UNC5D: variants seen among roughly 807,000 people sequenced by gnomAD.
UNC5D encodes netrin receptor UNC5D.
In UNC5D, 39 loss-of-function variants were observed where a neutral mutation model predicts 105.4. That is an observed-to-expected ratio of 0.37 (90% CI 0.29 to 0.48). The LOEUF is 0.48. UNC5D is among the 20% of genes least tolerant of loss of function. UNC5D has a pLI of 0.98. For missense variants in UNC5D, 991 were observed against 1,202.4 expected (o/e 0.82, Z 2.60); for synonymous variants, 452 against 450.4 (o/e 1.00, Z -0.04).
At chr8:35,254,387 C>G (rs1585422749) in intron 1 of UNC5D, 1 of 152,114 alleles carries the variant, frequency 6.6e-6, no homozygotes, top group East Asian at 1.9e-4. Context: ...CTCTTTTTTT[C>G]TTGAGCTTAT....
chr8:35,554,069 C>A (rs4739415), intron 2 of UNC5D, among the ~76,000 whole-genome samples: 1 of 151,962 alleles, frequency 6.6e-6, no homozygotes, highest in Admixed American at 6.6e-5. Flanking sequence ...GCATTCTGTC[C>A]TCACAGAACT....
At chr8:35,540,683 C>A (rs1470605553) in intron 1 of UNC5D, among the ~76,000 whole-genome samples, 1 of 152,082 alleles carries the variant, frequency 6.6e-6, no homozygotes, top group Non-Finnish European at 1.5e-5. Context: ...CATTAGGGGA[C>A]AAAGCTGTAT....
At chr8:35,496,869 A>G (rs567135600) in intron 1 of UNC5D, among the ~76,000 whole-genome samples, 2 of 152,170 alleles carry the variant, frequency 1.3e-5, no homozygotes, top group African/African-American at 4.8e-5. Context: ...GGAATCATAC[A>G]TGGTTTTTTT....
At chr8:35,728,809 T>C (rs570060487) in intron 10 of UNC5D, among the ~76,000 whole-genome samples, 1 of 152,328 alleles carries the variant, frequency 6.6e-6, no homozygotes, top group South Asian at 2.1e-4. Flanking sequence ...CTGGTGCTTC[T>C]GTGGTCATAT....
intron 1 of UNC5D, among the ~76,000 whole-genome samples, chr8:35,344,411 G>A (rs1043421391): frequency 6.6e-6 from 1 of 152,000 alleles, no homozygotes; most frequent in Non-Finnish European, 1.5e-5. Flanking sequence ...ATGTTCACCT[G>A]CATTGGCTCA....
At chr8:35,683,831 G>A in intron 5 of UNC5D, 104 bp downstream of exon 5, 1 of 1,189,642 alleles carries the variant, frequency 8.4e-7, no homozygotes, top group South Asian at 2.7e-5. Flanking sequence ...AAAGACCTTG[G>A]GGTTCATTCA....
At chr8:35,716,124 G>A (rs1828236940) in intron 8 of UNC5D, among the ~76,000 whole-genome samples, 2 of 152,108 alleles carry the variant, frequency 1.3e-5, no homozygotes, top group Admixed American at 6.5e-5. Context: ...GAGCAGAGAG[G>A]AGACGCAAGG....
intron 4 of UNC5D, among the ~76,000 whole-genome samples, chr8:35,643,077 T>C (rs938246680): frequency 3.3e-5 from 5 of 152,150 alleles, no homozygotes; most frequent in African/African-American, 1.2e-4. Context: ...CTCTCCCTGA[T>C]TCATGGCTTC....
At chr8:35,508,357 A>G (rs772478488) in intron 1 of UNC5D, among the ~76,000 whole-genome samples, 7 of 152,210 alleles carry the variant, frequency 4.6e-5, no homozygotes, top group Middle Eastern at 3.2e-3. Context: ...AGATTATTTT[A>G]ATGTTTTAAA....
intron 1 of UNC5D, among the ~76,000 whole-genome samples, chr8:35,489,991 A>T (rs1017902071): frequency 6.6e-6 from 1 of 152,230 alleles, no homozygotes; most frequent in African/African-American, 2.4e-5. Context: ...TCCACTAAAA[A>T]GAGAGAGATC....
At chr8:35,274,506 CAT>C (rs1418274055) in intron 1 of UNC5D, among the ~76,000 whole-genome samples, 2 of 152,180 alleles carry the variant, frequency 1.3e-5, no homozygotes, top group African/African-American at 2.4e-5. Flanking sequence ...TGAGTGTGCA[CAT>C]GTGTCCAGCC....
Position 35,790,631 on chromosome 8 carries a change from C to G in UNC5D, c.*68C>G. 1 of 1,556,336 alleles carries G rather than the reference C, an allele frequency of 6.4e-7. No homozygotes were observed. The highest frequency in any genetic ancestry group is 1.1e-5 in the South Asian group (1 of 88,472). ...CATTTGCTTTAAATGGGAAAGAGGCCGCTTTCTGCCCAGTGGCGTTGGGGG... is the reference window on the plus strand; with the variant it reads ...CATTTGCTTTAAATGGGAAAGAGGCGGCTTTCTGCCCAGTGGCGTTGGGGG... On this transcript the variant is annotated 3_prime_UTR_variant, in exon 17 of 17. Coordinates refer to ENST00000404895, the MANE Select transcript of UNC5D (RefSeq NM_080872.4).
At chr8:35,775,508 TCTC>T (rs148542680) in intron 16 of UNC5D, among the ~76,000 whole-genome samples, 4,239 of 152,012 alleles carry the variant, frequency 0.028, 181 homozygotes, top group African/African-American at 0.097. Context: ...AAAAATGACA[TCTC>T]CTCTCCCTGT....
chr8:35,466,293 A>C (rs1237716950), intron 1 of UNC5D, among the ~76,000 whole-genome samples: 2 of 152,188 alleles, frequency 1.3e-5, no homozygotes, highest in African/African-American at 4.8e-5. Flanking sequence ...TTACAGTCAG[A>C]ATTCATCTCT....
chr8:35,344,340 A>G (rs1811659027), intron 1 of UNC5D, among the ~76,000 whole-genome samples: 2 of 152,018 alleles, frequency 1.3e-5, no homozygotes, highest in African/African-American at 4.8e-5. Flanking sequence ...TGGCAGTACA[A>G]TTCCATGATC....
At chr8:35,434,302 G>A (rs1414807281) in intron 1 of UNC5D, among the ~76,000 whole-genome samples, 2 of 152,068 alleles carry the variant, frequency 1.3e-5, no homozygotes, top group Non-Finnish European at 2.9e-5. Context: ...CCACTAATGA[G>A]AGTCAATGAT....
At chr8:35,575,416 T>C (rs1423131142) in intron 3 of UNC5D, among the ~76,000 whole-genome samples, 2 of 152,196 alleles carry the variant, frequency 1.3e-5, no homozygotes, top group African/African-American at 4.8e-5. Flanking sequence ...AATTCATAGC[T>C]TACATTGACA....
intron 4 of UNC5D, among the ~76,000 whole-genome samples, chr8:35,613,204 A>T (rs1820804823): frequency 6.6e-6 from 1 of 152,190 alleles, no homozygotes; most frequent in Non-Finnish European, 1.5e-5. Context: ...CAGCCTCCTG[A>T]GTAGTTAGGA....
At chr8:35,397,087 A>G (rs1431959762) in intron 1 of UNC5D, among the ~76,000 whole-genome samples, 1 of 148,774 alleles carries the variant, frequency 6.7e-6, no homozygotes, top group Non-Finnish European at 1.5e-5. Context: ...TTGTATTTTT[A>G]GTAAAGACAG....
Sources: allele counts gnomAD v4.1 joint callset (sites outside exome capture counted in the v4.1 genomes callset), GRCh38; gene constraint gnomAD v4.1.1; transcripts MANE v1.5; gene names NCBI Gene and HGNC (gene_info 2026-07-23, HGNC 2026-07-21).